Variants in DLGAP2 observed in about 807,000 individuals in gnomAD.
DLGAP2 encodes the protein DLG associated protein 2.
In DLGAP2, 26 loss-of-function variants were observed where a neutral mutation model predicts 100.3. The ratio of observed to expected loss-of-function variants is 0.26; its 90% CI spans 0.19 to 0.36. The LOEUF (loss-of-function observed/expected upper bound fraction) is 0.36. Among genes scored for constraint, DLGAP2 ranks in the 10% least tolerant of loss-of-function variants. DLGAP2 has a pLI of 1.00. For missense variants in DLGAP2, 1,858 were observed against 1,453.2 expected, an observed-to-expected ratio of 1.28 and a Z score of -4.53; for synonymous variants, 886 against 630.1, an observed-to-expected ratio of 1.41 and a Z score of -6.08.
intron 3 of DLGAP2, among the ~76,000 whole-genome samples, chr8:1,277,799 G>A (rs181935227): frequency 7.9e-5 from 12 of 152,150 alleles, no homozygotes; most frequent in African/African-American, 1.2e-4. Flanking sequence ...ACCTTTCTCC[G>A]CACGTTTCTC....
chr8:1,119,866 G>T (rs1777011504), intron 2 of DLGAP2, among the ~76,000 whole-genome samples: 1 of 152,176 alleles, frequency 6.6e-6, no homozygotes, highest in Non-Finnish European at 1.5e-5. Context: ...AGTGAATGGG[G>T]TCCAGCACCC....
At chr8:867,401 G>A (rs977287234) in intron 1 of DLGAP2, among the ~76,000 whole-genome samples, 2 of 152,240 alleles carry the variant, frequency 1.3e-5, no homozygotes, top group Non-Finnish European at 2.9e-5. Flanking sequence ...CAGGAAGCCT[G>A]GTTGGAGGAG....
At chr8:781,675 A>G (rs547407667) in intron 1 of DLGAP2, among the ~76,000 whole-genome samples, 1 of 152,224 alleles carries the variant, frequency 6.6e-6, no homozygotes, top group African/African-American at 2.4e-5. Context: ...TTGGCTGAAC[A>G]TTTAAATGAC....
intron 7 of DLGAP2, among the ~76,000 whole-genome samples, chr8:1,628,872 G>C (rs1253532325): frequency 6.6e-6 from 1 of 152,256 alleles, no homozygotes; most frequent in Non-Finnish European, 1.5e-5. Flanking sequence ...GCCAAGGCCT[G>C]GGCTTTCTGT....
chr8:1,154,624 T>C (rs1796748321), intron 2 of DLGAP2, among the ~76,000 whole-genome samples: 1 of 55,536 alleles, frequency 1.8e-5, no homozygotes, highest in Non-Finnish European at 6.2e-5. Context: ...AGATTAACCA[T>C]CCATTAAAAA....
At chr8:1,059,564 G>C (rs546273372) in intron 2 of DLGAP2, among the ~76,000 whole-genome samples, 1 of 152,292 alleles carries the variant, frequency 6.6e-6, no homozygotes, top group East Asian at 1.9e-4. Flanking sequence ...CCTCCATTAG[G>C]CTGTGAGCTT....
chr8:1,453,671 C>G (rs1490592748), intron 3 of DLGAP2, among the ~76,000 whole-genome samples: 2 of 152,182 alleles, frequency 1.3e-5, no homozygotes, highest in Non-Finnish European at 2.9e-5. Context: ...CAGCCGAACT[C>G]TCTACCTGGG....
At chr8:847,285 T>A (rs1797088607) in intron 1 of DLGAP2, among the ~76,000 whole-genome samples, 1 of 152,222 alleles carries the variant, frequency 6.6e-6, no homozygotes, top group Non-Finnish European at 1.5e-5. Flanking sequence ...GTGTTTCTTT[T>A]GATCTATTTA....
At chr8:925,037 T>C (rs1490496645) in intron 2 of DLGAP2, among the ~76,000 whole-genome samples, 1 of 152,172 alleles carries the variant, frequency 6.6e-6, no homozygotes, top group African/African-American at 2.4e-5. Context: ...GAAGATGTAT[T>C]GATAATTATG....
At chr8:1,281,595 C>A (rs1428857896) in intron 3 of DLGAP2, among the ~76,000 whole-genome samples, 2 of 152,138 alleles carry the variant, frequency 1.3e-5, no homozygotes, top group African/African-American at 4.8e-5. Flanking sequence ...AGTTTTGAGC[C>A]CGTCCTCATT....
intron 3 of DLGAP2, among the ~76,000 whole-genome samples, chr8:1,356,755 C>T (rs912177518): frequency 3.3e-5 from 5 of 152,198 alleles, no homozygotes; most frequent in African/African-American, 9.6e-5. Flanking sequence ...GGATGAAAAA[C>T]AGACAGTGGG....
intron 2 of DLGAP2, among the ~76,000 whole-genome samples, chr8:1,165,891 G>A (rs548340090): frequency 1.6e-4 from 24 of 151,986 alleles, no homozygotes; most frequent in African/African-American, 4.8e-4. Context: ...CTTCATAGAT[G>A]TGCCACTTTT....
chr8:956,107 G>C (rs931319640), intron 2 of DLGAP2, among the ~76,000 whole-genome samples: 8 of 152,212 alleles, frequency 5.3e-5, no homozygotes, highest in African/African-American at 2.4e-5. Context: ...GTTGACACTA[G>C]TACCAAGCAC....
chr8:1,162,834 G>C (rs1427902806), intron 2 of DLGAP2, among the ~76,000 whole-genome samples: 2 of 152,174 alleles, frequency 1.3e-5, no homozygotes, highest in Admixed American at 1.3e-4. Context: ...AGGTCCCCTG[G>C]GTGCTGCTGT....
intron 3 of DLGAP2, among the ~76,000 whole-genome samples, chr8:1,274,381 C>T (rs1458735262): frequency 6.6e-6 from 1 of 151,720 alleles, no homozygotes; most frequent in Non-Finnish European, 1.5e-5. Context: ...TAAAATAAGC[C>T]AACATGTATA....
Position 1,267,624 on chromosome 8 carries a change from AAAT to A in DLGAP2, c.106+8743_106+8745del, listed in dbSNP as rs1403079294. On this transcript the variant is annotated intron_variant, in intron 3 of 14. Coordinates refer to ENST00000637795, the MANE Select transcript of DLGAP2 (RefSeq NM_001346810.2). The stretch of plus-strand genomic sequence containing the variant: ...AAGATAAGATAAGATAAGATAAGAT[AAAT>A]ATTAAATAGGTCTACAAAAAGGCCT... 3.4e-4 allele frequency among the ~76,000 whole-genome samples: 42 copies of A among 123,640 alleles called. 7 individuals carry two copies. Among genetic ancestry groups the A allele is most frequent in the African/African-American group, 1.6e-3 (42 of 26,484 alleles). 81.1% of individuals were successfully genotyped at this position (123,640 alleles called of 152,430 possible). A position where few individuals can be genotyped will look rare whatever the true frequency, so the allele number is the denominator to read the frequency against.
chr8:965,788 C>G (rs6989496), intron 2 of DLGAP2, among the ~76,000 whole-genome samples: 1 of 148,662 alleles, frequency 6.7e-6, no homozygotes, highest in African/African-American at 2.5e-5. Context: ...GCACTGTTCA[C>G]CACACAGGGC....
intron 1 of DLGAP2, among the ~76,000 whole-genome samples, chr8:810,085 T>C (rs1796344282): frequency 6.6e-6 from 1 of 152,204 alleles, no homozygotes; most frequent in Non-Finnish European, 1.5e-5. Context: ...TCTGTGTCCA[T>C]CCCTTTCTAA....
intron 2 of DLGAP2, among the ~76,000 whole-genome samples, chr8:1,227,166 A>ATATATATATATATG: frequency 7.3e-6 from 1 of 137,930 alleles, no homozygotes; most frequent in South Asian, 2.4e-4. Context: ...ATATATATAT[A>ATATATATATATATG]TATATATAGT....
Sources: gnomAD v4.1 joint callset for allele counts (sites outside exome capture counted in the v4.1 genomes callset) on GRCh38, gnomAD v4.1.1 for gene constraint, MANE v1.5 for transcripts, NCBI Gene and HGNC (gene_info 2026-07-23, HGNC 2026-07-21) for gene names.